The following RTEL1 variants were observed in gnomAD, a reference collection of about 807,000 sequenced individuals.
The protein encoded by RTEL1 is regulator of telomere elongation helicase 1.
Under a neutral mutation model 162.2 loss-of-function variants are expected in RTEL1, and 86 were observed. The observed-to-expected ratio is 0.53, with a 90% CI of 0.45 to 0.63. The LOEUF (loss-of-function observed/expected upper bound fraction) is 0.63. Ranked by LOEUF, RTEL1 falls within the 30% of genes least tolerant of loss-of-function variation. RTEL1 has a pLI of 0.00. For missense variants in RTEL1, 1,941 were observed against 1,750.2 expected (o/e 1.11, Z -1.95); for synonymous variants, 958 against 717.9 (o/e 1.33, Z -5.35).
intron 30 of RTEL1, 145 bp from the exon 31 acceptor site, chr20:63,694,227 G>A (rs1046790367): frequency 1.4e-6 from 1 of 699,920 alleles, no homozygotes; most frequent in African/African-American, 1.7e-5. Flanking sequence ...GATGCCCCCA[G>A]CACCCAGGCG....
chr20:63,666,831 G>C (rs1039477742), intron 7 of RTEL1, among the ~76,000 whole-genome samples: 2 of 139,914 alleles, frequency 1.4e-5, no homozygotes, highest in African/African-American at 2.7e-5. Context: ...TGCCTGGCCA[G>C]CTCTTTTTTT....
chr20:63,694,256 C>G (rs1465046118), intron 30 of RTEL1, 116 bp from the exon 31 acceptor site: 1 of 886,910 alleles, frequency 1.1e-6, no homozygotes, highest in African/African-American at 1.6e-5. Context: ...CCTGGGTTTT[C>G]CCGCCCTGGT....
chr20:63,693,663 T>A (rs996140538), intron 30 of RTEL1, among the ~76,000 whole-genome samples: 207 of 2,618 alleles, frequency 0.079, no homozygotes, highest in East Asian at 0.36. Flanking sequence ...CACCACCACC[T>A]CCACCACCAC....
intron 30 of RTEL1, 136 bp from the exon 31 acceptor site, chr20:63,694,236 C>T (rs1253915769): frequency 1.2e-5 from 9 of 735,970 alleles, no homozygotes; most frequent in Middle Eastern, 2.4e-4. Flanking sequence ...AGCACCCAGG[C>T]GTGTACCTGC....
intron 10 of RTEL1, among the ~76,000 whole-genome samples, chr20:63,674,579 T>G (rs2090311326): frequency 6.6e-6 from 1 of 151,874 alleles, no homozygotes; most frequent in African/African-American, 2.4e-5. Flanking sequence ...TGTGCTCCTG[T>G]GGTCCAAGCT....
chr20:63,695,378 T>G lies in RTEL1; in HGVS notation c.3550T>G (p.Phe1184Val), dbSNP rs1182002356. Residue 1184 changes from phenylalanine (F) to valine (V), a missense_variant, in exon 34 of 35, where the codon TTC becomes GTC. Transcript: ENST00000360203. ...TGKTQSKISS[F>V]LRQRPAGTVG... is the part of the protein sequence containing the mutation. ...GAAGACCCAGAGCAAGATCTCGTCC[T>G]TCCTTAGACAGAGGCCAGCAGGGAC... 4 of 1,546,516 alleles carry G rather than the reference T, an allele frequency of 2.6e-6. No homozygotes were observed. Among genetic ancestry groups the G allele is most frequent in the South Asian group, 1.2e-5 (1 of 80,610 alleles).
intron 27 of RTEL1, 120 bp downstream of exon 27, chr20:63,691,067 C>A: frequency 8.8e-7 from 1 of 1,141,438 alleles, no homozygotes; most frequent in Non-Finnish European, 1.2e-6. Context: ...GCCTGGCAGG[C>A]AGGCGGGCAA....
At chr20:63,694,267 C>G in intron 30 of RTEL1, 105 bp from the exon 31 acceptor site, 2 of 994,114 alleles carry the variant, frequency 2.0e-6, no homozygotes, top group Non-Finnish European at 1.6e-6. Context: ...CCGCCCTGGT[C>G]TGAGGTGGGT....
intron 30 of RTEL1, 57 bp from the exon 31 acceptor site, chr20:63,694,315 C>CCCCCGGA: frequency 8.2e-7 from 1 of 1,225,468 alleles, no homozygotes; most frequent in Non-Finnish European, 1.2e-6. Context: ...CCCCCCCACC[C>CCCCCGGA]CAGGGAACTT....
At position 63,684,221 on chromosome 20, in the gene RTEL1, C is replaced by T. The variant is rs570439180; in HGVS notation, c.1192-1302C>T. 3.9e-5 allele frequency among the ~76,000 whole-genome samples: 6 copies of T among 152,280 alleles called. No individual in the cohort carries two copies. The South Asian group carries it at 1.2e-3, about 32-fold the overall frequency. On this transcript the variant is annotated intron_variant, in intron 14 of 34. Transcript: ENST00000360203. The stretch of plus-strand genomic sequence containing the variant: ...CTCTACCTTGATTTTTCCCAGCACG[C>T]CACACCGGTGGTTCTGTGCGCTGAC...
rs756242989 is a variant in RTEL1, at chr20:63,694,910, C to G, written c.3279C>G (p.Asp1093Glu). ...CCTATAAGCAAGACGACGACCTCGA[C>G]AAGGTGCTGGCTGTGTTGGCCGCCC... ...LTAYKQDDDL[D>E]KVLAVLAALT... Residue 1093 changes from aspartate to glutamate, a missense_variant, in exon 32 of 35, where the codon GAC becomes GAG. By Grantham distance (45) the Asp-to-Glu change is conservative. Coordinates refer to ENST00000360203, the MANE Select transcript of RTEL1 (RefSeq NM_001283009.2). 9.9e-6 allele frequency: 16 copies of G among 1,612,512 alleles called. No individual in the cohort carries two copies. In the Admixed American group the frequency reaches 2.2e-4, roughly 22 times the overall value.
intron 28 of RTEL1, 111 bp downstream of exon 28, chr20:63,691,948 C>T: frequency 1.3e-6 from 1 of 779,760 alleles, no homozygotes; most frequent in Non-Finnish European, 2.1e-6. Context: ...AATCCACCCC[C>T]AGGAGCTGAT....
In RTEL1 at chr20:63,692,844, C is replaced by G. The variant is rs555482478; in HGVS notation, c.2692C>G (p.Leu898Val). Residue 898 changes from leucine (L) to valine (V), a missense_variant, in exon 29 of 35, where the codon CTC becomes GTC. Transcript: ENST00000360203. The stretch of plus-strand genomic sequence containing the variant: ...TGGTGCACAGACGGACAGGGCCAAG[C>G]TCTTCATGGTGGCCGTGAAGCAGGA... ...VAGAQTDRAK[L>V]FMVAVKQELS... The G allele has an allele frequency of 1.2e-6, 2 of 1,612,608 alleles. No homozygotes were observed. Among genetic ancestry groups the G allele is most frequent in the Non-Finnish European group, 1.7e-6 (2 of 1,179,842 alleles).
chr20:63,687,684 C>T lies in RTEL1; in HGVS notation c.1395C>T (p.His465=), dbSNP rs376423914. 25 of 1,608,696 alleles carry T rather than the reference C, an allele frequency of 1.6e-5. No individual in the cohort carries two copies. The African/African-American group carries it at 1.7e-4, about 11-fold the overall frequency. Residue 465 remains histidine (H), a synonymous_variant, in exon 17 of 35, where the codon CAC becomes CAT. Transcript: ENST00000360203. ...YWCFSPGHSM[H]ELVRQGVRSL... ...GCTTCAGTCCCGGCCACAGCATGCA[C>T]GAGCTGGTCCGCCAGGGCGTCCGCT...
At chr20:63,667,750 CT>C (rs770441167) in intron 8 of RTEL1, among the ~76,000 whole-genome samples, 197 bp downstream of exon 8, 6 of 152,130 alleles carry the variant, frequency 3.9e-5, no homozygotes, top group Non-Finnish European at 8.8e-5. Context: ...GGTCAGTTTT[CT>C]GAGCAGTCTG....
At chr20:63,659,087 A>G (rs2089967186) in intron 1 of RTEL1, 146 bp from the exon 2 acceptor site, 1 of 320,166 alleles carries the variant, frequency 3.1e-6, no homozygotes, top group African/African-American at 2.1e-5. Context: ...GCCACTTCGC[A>G]TCTTCGCCCC....
In RTEL1 at chr20:63,676,077, C is replaced by G. The variant is rs184508860; in HGVS notation, c.919+1984C>G. ...CAGTTTTCATCCCTATCTGTTCCCCCACCCCTTTGGAGATGGGGTCTCACT... is the reference window on the plus strand; with the variant it reads ...CAGTTTTCATCCCTATCTGTTCCCCGACCCCTTTGGAGATGGGGTCTCACT... On this transcript the variant is annotated intron_variant, in intron 10 of 34. Coordinates refer to ENST00000360203, the MANE Select transcript of RTEL1 (RefSeq NM_001283009.2). 3.8e-4 allele frequency among the ~76,000 whole-genome samples: 58 copies of G among 152,054 alleles called. No individual in the cohort carries two copies. The East Asian group carries it at 0.01, about 27-fold the overall frequency.
intron 8 of RTEL1, 26 bp downstream of exon 8, chr20:63,667,579 G>T: frequency 1.3e-6 from 2 of 1,564,748 alleles, no homozygotes; most frequent in South Asian, 2.2e-5. Flanking sequence ...TGTAGCTGAC[G>T]ACTCCTGATG....
At chr20:63,670,880 A>G (rs1026233445) in intron 8 of RTEL1, among the ~76,000 whole-genome samples, 1 of 151,942 alleles carries the variant, frequency 6.6e-6, no homozygotes, top group Non-Finnish European at 1.5e-5. Context: ...TTTTGTTTGC[A>G]GTTGCCAAAA....
Sources: allele counts gnomAD v4.1 joint callset (sites outside exome capture counted in the v4.1 genomes callset), GRCh38; gene constraint gnomAD v4.1.1; transcripts MANE v1.5; gene names NCBI Gene and HGNC (gene_info 2026-07-23, HGNC 2026-07-21).